LIN28B: variants seen among roughly 807,000 people sequenced by gnomAD.
The protein encoded by LIN28B is protein lin-28 homolog B.
Under a neutral mutation model 21.9 loss-of-function variants are expected in LIN28B, and 5 were observed. The observed-to-expected ratio is 0.23, with a 90% confidence interval of 0.12 to 0.48. The LOEUF is 0.48. LIN28B is among the 20% of genes least tolerant of loss of function. The probability of loss-of-function intolerance (pLI) is 0.98; values close to 1 mark genes in which losing one functional copy is unlikely to be tolerated. For missense variants in LIN28B, 245 were observed against 310.5 expected (o/e 0.79, Z 1.58); for synonymous variants, 109 against 111.3 (o/e 0.98, Z 0.13).
intron 2 of LIN28B, among the ~76,000 whole-genome samples, chr6:105,003,405 C>G (rs757946134): frequency 4.2e-4 from 64 of 152,122 alleles, no homozygotes; most frequent in South Asian, 1.0e-3. Flanking sequence ...AAGTTTGGGG[C>G]AGAGGTCACT....
chr6:104,967,309 G>A (rs184311462), intron 2 of LIN28B, among the ~76,000 whole-genome samples: 16 of 148,274 alleles, frequency 1.1e-4, no homozygotes, highest in Non-Finnish European at 2.2e-4. Context: ...GCTGGGCATG[G>A]TGGCTCATGC....
chr6:105,074,283 C>T (rs1562115215), intron 3 of LIN28B, among the ~76,000 whole-genome samples: 2 of 151,882 alleles, frequency 1.3e-5, no homozygotes, highest in South Asian at 2.1e-4. Flanking sequence ...CTGCAAACTC[C>T]GCCTCCTGGG....
At chr6:104,980,803 TATAAATTG>T (rs1465945314) in intron 2 of LIN28B, among the ~76,000 whole-genome samples, 1 of 152,172 alleles carries the variant, frequency 6.6e-6, no homozygotes, top group Non-Finnish European at 1.5e-5. Flanking sequence ...ATCATGTCCA[TATAAATTG>T]TTGGCTGTTC....
intron 2 of LIN28B, among the ~76,000 whole-genome samples, chr6:105,012,384 G>A (rs1398042629): frequency 6.6e-6 from 1 of 151,406 alleles, no homozygotes; most frequent in Non-Finnish European, 1.5e-5. Flanking sequence ...CAGGAGAATC[G>A]CTTGAACCCG....
intron 3 of LIN28B, among the ~76,000 whole-genome samples, chr6:105,046,788 T>A (rs541731055): frequency 6.6e-6 from 1 of 152,242 alleles, no homozygotes; most frequent in South Asian, 2.1e-4. Context: ...CGTTTTTTCA[T>A]GTGTCTTTTG....
chr6:105,079,454 T>C lies in LIN28B; in HGVS notation c.*671T>C, dbSNP rs1772497467. On this transcript the variant is annotated 3_prime_UTR_variant, in exon 4 of 4. Coordinates refer to ENST00000345080, the MANE Select transcript of LIN28B (RefSeq NM_001004317.4). Reference sequence around the variant, plus strand: ...TAACTTCATATGCCTCTGACTGCCATAAGCTTTTTTGATTCTGGGATAACA... The same window carrying C: ...TAACTTCATATGCCTCTGACTGCCACAAGCTTTTTTGATTCTGGGATAACA... 1 of 152,630 alleles carries C rather than the reference T, an allele frequency of 6.6e-6. No individual in the cohort carries two copies. The highest frequency in any genetic ancestry group is 1.5e-5 in the Non-Finnish European group (1 of 68,028). The allele number at this position is 152,630 out of a possible 1,614,324, so 9.5% of individuals were successfully genotyped here.
chr6:104,989,576 G>GTTTTTTTTTTT (rs34394074), intron 2 of LIN28B, among the ~76,000 whole-genome samples: 121 of 60,566 alleles, frequency 2.0e-3, no homozygotes, highest in Non-Finnish European at 2.4e-3. Flanking sequence ...TTTTACTTGG[G>GTTTTTTTTTTT]TTTTTTTTTT....
At chr6:105,041,924 C>T (rs1443499933) in intron 3 of LIN28B, among the ~76,000 whole-genome samples, 1 of 152,170 alleles carries the variant, frequency 6.6e-6, no homozygotes, top group Non-Finnish European at 1.5e-5. Flanking sequence ...TCTGTTGAAT[C>T]ACGTAGTTTA....
At chr6:104,942,839 A>G (rs953251344) in intron 2 of LIN28B, among the ~76,000 whole-genome samples, 5 of 152,196 alleles carry the variant, frequency 3.3e-5, no homozygotes, top group African/African-American at 1.2e-4. Context: ...ATATAAGGTC[A>G]TAAAAATTTA....
chr6:104,994,731 A>G (rs1024859690), intron 2 of LIN28B, among the ~76,000 whole-genome samples: 2 of 152,210 alleles, frequency 1.3e-5, no homozygotes, highest in Admixed American at 1.3e-4. Flanking sequence ...GAACATTTTA[A>G]ATAGTTAAGT....
rs1010795653 is a variant in LIN28B at position 105,080,185 on chromosome 6, T to C, written c.*1402T>C. 1.2e-4 allele frequency: 18 copies of C among 152,686 alleles called. No homozygotes were observed. Among genetic ancestry groups the C allele is most frequent in the African/African-American group, 4.3e-4 (18 of 41,552 alleles). 9.5% of individuals were successfully genotyped at this position (152,686 alleles called of 1,614,324 possible). A position where few individuals can be genotyped will look rare whatever the true frequency, so the allele number is the denominator to read the frequency against. ...TGGCTAGGGGCCATAGTATTGGTCC[T>C]GTTAGGTTTCGGTCATGGAAAAAAA... On this transcript the variant is annotated 3_prime_UTR_variant, in exon 4 of 4. Transcript: ENST00000345080.
At chr6:104,997,828 A>G (rs552944668) in intron 2 of LIN28B, among the ~76,000 whole-genome samples, 1 of 152,246 alleles carries the variant, frequency 6.6e-6, no homozygotes, top group South Asian at 2.1e-4. Context: ...CATCCCCATT[A>G]GTGTTGGTGT....
intron 2 of LIN28B, among the ~76,000 whole-genome samples, chr6:104,971,501 T>C (rs1275992750): frequency 6.6e-6 from 1 of 152,168 alleles, no homozygotes; most frequent in Non-Finnish European, 1.5e-5. Context: ...TTTTCATTTT[T>C]AGTAGTGTTT....
At chr6:104,995,845 A>AG (rs1299279371) in intron 2 of LIN28B, among the ~76,000 whole-genome samples, 1 of 152,074 alleles carries the variant, frequency 6.6e-6, no homozygotes, top group Non-Finnish European at 1.5e-5. Flanking sequence ...ACTAAAAAAA[A>AG]TAGCTAAAGC....
intron 2 of LIN28B, among the ~76,000 whole-genome samples, chr6:104,963,607 A>C (rs1475859091): frequency 6.6e-6 from 1 of 152,206 alleles, no homozygotes; most frequent in East Asian, 1.9e-4. Flanking sequence ...GGTTCACAGC[A>C]AAATTAAGAG....
intron 2 of LIN28B, among the ~76,000 whole-genome samples, chr6:104,967,576 C>CAAAAAAA (rs71003462): frequency 4.0e-3 from 239 of 60,100 alleles, no homozygotes; most frequent in African/African-American, 4.9e-3. Flanking sequence ...AACTCCCTCT[C>CAAAAAAA]AAAAAAAAAA....
intron 2 of LIN28B, among the ~76,000 whole-genome samples, chr6:105,023,186 G>A (rs1298116587): frequency 2.8e-5 from 3 of 106,164 alleles, no homozygotes; most frequent in Admixed American, 1.5e-4. Flanking sequence ...TCTTTTTCTT[G>A]CAAAGCCATT....
intron 3 of LIN28B, among the ~76,000 whole-genome samples, chr6:105,057,690 CTA>C (rs1772047188): frequency 6.6e-6 from 1 of 151,994 alleles, no homozygotes. Context: ...AGTTTTACCA[CTA>C]TATTTTAAAA....
chr6:105,022,058 C>T (rs537920874), intron 2 of LIN28B, among the ~76,000 whole-genome samples: 2 of 151,852 alleles, frequency 1.3e-5, no homozygotes, highest in South Asian at 4.2e-4. Flanking sequence ...AGGATCTCAC[C>T]TACAACCTAA....
Sources: allele counts gnomAD v4.1 joint callset (sites outside exome capture counted in the v4.1 genomes callset), GRCh38; gene constraint gnomAD v4.1.1; transcripts MANE v1.5; gene names NCBI Gene and HGNC (gene_info 2026-07-23, HGNC 2026-07-21).